Variants in CENPN observed in about 807,000 individuals in gnomAD.
The protein encoded by CENPN is centromere protein N, also known as interphase centromere complex protein 32.
In CENPN, 36 loss-of-function variants were observed where a neutral mutation model predicts 48.6. The observed-to-expected ratio is 0.74, with a 90% CI of 0.57 to 0.98. The LOEUF is 0.98. Ranked by LOEUF, CENPN falls within the 50% of genes least tolerant of loss-of-function variation. CENPN has a pLI of 0.00. For missense variants in CENPN, 439 were observed against 399.2 expected, an observed-to-expected ratio of 1.10 and a Z score of -0.85; for synonymous variants, 166 against 135.2, an observed-to-expected ratio of 1.23 and a Z score of -1.58.
intron 1 of CENPN, among the ~76,000 whole-genome samples, chr16:81,007,659 C>G (rs969014751): frequency 1.3e-5 from 2 of 152,218 alleles, no homozygotes; most frequent in African/African-American, 4.8e-5. Context: ...TCCCTGTACC[C>G]TCTTGCGTTG....
chr16:81,029,334 A>G lies in CENPN; in HGVS notation c.*683A>G, dbSNP rs1027368791. On this transcript the variant is annotated 3_prime_UTR_variant, in exon 11 of 11. Coordinates refer to ENST00000305850, the MANE Select transcript of CENPN (RefSeq NM_001100624.3). ...CTGGCACATCAGTTAATTTTGATCA[A>G]AGTACTTCAGTGATCATCACTAAAT... The G allele has an allele frequency of 2.1e-6, 2 of 943,348 alleles. No individual in the cohort carries two copies. The highest frequency in any genetic ancestry group is 2.5e-6 in the Non-Finnish European group (2 of 791,662). 58.4% of individuals were successfully genotyped at this position (943,348 alleles called of 1,614,324 possible).
Position 81,028,972 on chromosome 16 carries a change from G to T in CENPN, c.*321G>T, listed in dbSNP as rs1456782849. Reference sequence around the variant, plus strand: ...CACAGCGCTCAAGACTTTTGGGTTTGTGTCCTTTTTTCTATGGCTGTCTCT... The same window carrying T: ...CACAGCGCTCAAGACTTTTGGGTTTTTGTCCTTTTTTCTATGGCTGTCTCT... On this transcript the variant is annotated 3_prime_UTR_variant, in exon 11 of 11. Transcript: ENST00000305850. 1 of 1,017,320 alleles carries T rather than the reference G, an allele frequency of 9.8e-7. No homozygotes were observed. The highest frequency in any genetic ancestry group is 9.2e-5 in the East Asian group (1 of 10,922). 63.0% of individuals were successfully genotyped at this position (1,017,320 alleles called of 1,614,324 possible).
intron 1 of CENPN, among the ~76,000 whole-genome samples, chr16:81,008,221 C>T (rs1969548995): frequency 6.6e-6 from 1 of 152,152 alleles, no homozygotes; most frequent in Non-Finnish European, 1.5e-5. Context: ...TTTAGACTGG[C>T]GTTCTGCAAA....
Position 81,030,172 on chromosome 16 carries a change from A to T in CENPN, c.*1521A>T. On this transcript the variant is annotated 3_prime_UTR_variant, in exon 11 of 11. Transcript: ENST00000305850. ...GTCACATGGGGGTTATTACAATTCA[A>T]GGTGACACTTGTGTGGAGACACAGC... 1.0e-6 allele frequency: 1 copy of T among 984,008 alleles called. No homozygotes were observed. The highest frequency in any genetic ancestry group is 1.2e-6 in the Non-Finnish European group (1 of 828,622). 61.0% of individuals were successfully genotyped at this position (984,008 alleles called of 1,614,324 possible).
intron 3 of CENPN, among the ~76,000 whole-genome samples, chr16:81,016,624 G>A (rs146950848): frequency 2.8e-4 from 42 of 152,230 alleles, no homozygotes; most frequent in African/African-American, 8.4e-4. Flanking sequence ...TTAGCCAGGC[G>A]TTGTGGCAGG....
At chr16:81,013,288 A>C (rs911416572) in intron 2 of CENPN, among the ~76,000 whole-genome samples, 2 of 152,244 alleles carry the variant, frequency 1.3e-5, no homozygotes, top group African/African-American at 4.8e-5. Context: ...ATGAGTACAC[A>C]CTTATGTTAA....
chr16:81,009,259 A>T (rs1284637282), intron 1 of CENPN, among the ~76,000 whole-genome samples: 1 of 152,216 alleles, frequency 6.6e-6, no homozygotes, highest in Non-Finnish European at 1.5e-5. Flanking sequence ...GTGGGGAAGT[A>T]ACTTTTGGTT....
chr16:81,032,825 C>A, downstream of CENPN: 1 of 1,041,072 alleles, frequency 9.6e-7, no homozygotes, highest in Non-Finnish European at 1.4e-6. Flanking sequence ...TCAAATTTGA[C>A]CAATCTTGGA....
downstream of CENPN, chr16:81,032,795 TA>T: frequency 8.0e-7 from 1 of 1,248,240 alleles, no homozygotes; most frequent in Non-Finnish European, 1.1e-6. Flanking sequence ...GCCTCCTTGT[TA>T]AAATGGACCC....
intron 3 of CENPN, among the ~76,000 whole-genome samples, chr16:81,015,148 G>C (rs1049047249): frequency 6.6e-6 from 1 of 152,202 alleles, no homozygotes; most frequent in East Asian, 1.9e-4. Flanking sequence ...CTGAAAATTT[G>C]TTCCTATTAC....
chr16:81,026,685 A>G (rs1970513815), intron 9 of CENPN, 47 bp downstream of exon 9: 2 of 922,246 alleles, frequency 2.2e-6, no homozygotes, highest in Admixed American at 2.3e-5. Context: ...AACATTGTTT[A>G]AAAAGAACAA....
At chr16:81,018,994 A>G (rs957881482) in intron 5 of CENPN, among the ~76,000 whole-genome samples, 2 of 152,208 alleles carry the variant, frequency 1.3e-5, no homozygotes, top group Non-Finnish European at 2.9e-5. Flanking sequence ...CCAATTGGCA[A>G]CCATATTTAA....
intron 1 of CENPN, among the ~76,000 whole-genome samples, chr16:81,008,530 C>A (rs557511055): frequency 1.3e-5 from 2 of 152,198 alleles, no homozygotes; most frequent in African/African-American, 4.8e-5. Flanking sequence ...CGTCACGACA[C>A]CCGGCTAATT....
chr16:81,022,135 G>C (rs1970241971), intron 6 of CENPN, among the ~76,000 whole-genome samples: 1 of 152,130 alleles, frequency 6.6e-6, no homozygotes, highest in African/African-American at 2.4e-5. Flanking sequence ...TCCTATCATA[G>C]TAATTCTGTT....
chr16:81,012,913 A>G (rs1969798723), intron 2 of CENPN, among the ~76,000 whole-genome samples: 1 of 152,224 alleles, frequency 6.6e-6, no homozygotes, highest in East Asian at 1.9e-4. Flanking sequence ...TTTTAAATAA[A>G]TATACTTTTT....
intron 1 of CENPN, among the ~76,000 whole-genome samples, chr16:81,008,056 G>A (rs976873427): frequency 1.3e-5 from 2 of 152,078 alleles, no homozygotes; most frequent in South Asian, 2.1e-4. Context: ...GCAGTGACCC[G>A]AGATCGCGCC....
At chr16:81,012,170 CTTCTATTCCT>C (rs2151677393) in intron 2 of CENPN, 60 bp downstream of exon 2, 1 of 1,440,088 alleles carries the variant, frequency 6.9e-7, no homozygotes, top group East Asian at 2.3e-5. Context: ...GTTTTTCTTT[CTTCTATTCCT>C]TACTCCAAAA....
Position 81,029,147 on chromosome 16 carries a change from G to C in CENPN, c.*496G>C. On this transcript the variant is annotated 3_prime_UTR_variant, in exon 11 of 11. Transcript: ENST00000305850. ...ATTGGTCTATTCAAAGGATGGAGTT[G>C]AGTCCATTCTGTTATTGTTGCAAGA... 1 of 985,172 alleles carries C rather than the reference G, an allele frequency of 1.0e-6. No homozygotes were observed. Among genetic ancestry groups the C allele is most frequent in the Non-Finnish European group, 1.2e-6 (1 of 829,704 alleles). 61.0% of individuals were successfully genotyped at this position (985,172 alleles called of 1,614,324 possible). A position where few individuals can be genotyped will look rare whatever the true frequency, so the allele number is the denominator to read the frequency against.
rs1391982501 is a variant in CENPN at position 81,028,239 on chromosome 16, C to T, written c.879C>T (p.Cys293=). 2 of 1,613,476 alleles carry T rather than the reference C, an allele frequency of 1.2e-6. No individual in the cohort carries two copies. The highest frequency in any genetic ancestry group is 2.7e-5 in the African/African-American group (2 of 74,902). ...ILAEREEPLR[C]LIKFSSPHLL... is the part of the protein sequence containing the mutation. ...CTGAGAGGGAAGAACCCCTCCGATG[C>T]CTAATAAAGTTCTCTAGCCCACATC... is the stretch of plus-strand genomic sequence containing the variant. The change falls in exon 10 of 11, where the codon TGC becomes TGT. Residue 293 remains cysteine, a synonymous_variant. Coordinates refer to ENST00000305850, the MANE Select transcript of CENPN (RefSeq NM_001100624.3).
Sources: allele counts gnomAD v4.1 joint callset (sites outside exome capture counted in the v4.1 genomes callset), GRCh38; gene constraint gnomAD v4.1.1; transcripts MANE v1.5; gene names NCBI Gene and HGNC (gene_info 2026-07-23, HGNC 2026-07-21).